The following XKR6 variants were observed in gnomAD, a reference collection of about 807,000 sequenced individuals.
XKR6 encodes XK-related protein 6.
In XKR6, 22 loss-of-function variants were observed where a neutral mutation model predicts 56.7. The ratio of observed to expected loss-of-function variants is 0.39; its 90% CI spans 0.28 to 0.55. The LOEUF (loss-of-function observed/expected upper bound fraction) is 0.55, where lower values mean the gene tolerates loss of function less well. Ranked by LOEUF, XKR6 falls within the 20% of genes least tolerant of loss-of-function variation. XKR6 has a pLI of 0.66. For synonymous variants in XKR6, 524 were observed against 387.8 expected (o/e 1.35, Z -4.13); for missense variants, 852 against 889.0 (o/e 0.96, Z 0.53).
At chr8:11,013,773 C>T (rs1041875748) in intron 1 of XKR6, among the ~76,000 whole-genome samples, 1 of 152,184 alleles carries the variant, frequency 6.6e-6, no homozygotes, top group African/African-American at 2.4e-5. Context: ...ATGAATTAAA[C>T]AAAAGTCAAA....
At chr8:11,143,686 G>A (rs561954052) in intron 1 of XKR6, among the ~76,000 whole-genome samples, 2 of 152,300 alleles carry the variant, frequency 1.3e-5, no homozygotes, top group Admixed American at 6.5e-5. Context: ...AGGAAGGGAA[G>A]GGATTGTGAT....
intron 1 of XKR6, among the ~76,000 whole-genome samples, chr8:11,019,622 G>C (rs1018908929): frequency 6.6e-6 from 1 of 152,224 alleles, no homozygotes; most frequent in Non-Finnish European, 1.5e-5. Context: ...TTTCCACCTA[G>C]AGGTGGTGTG....
In XKR6 at chr8:10,898,721, A is replaced by T. The variant is rs1392396324; in HGVS notation, c.1157T>A (p.Phe386Tyr). ...ALFASIFQLYFGIFVVVHWCA... is the reference protein window; with the variant it reads ...ALFASIFQLYYGIFVVVHWCA... ...CCAGTGAACCACCACGAAGATCCCA[A>T]AATAGAGCTGGAAGATGGAAGCAAA... The change falls in exon 3 of 3, where the codon TTT (phenylalanine) becomes TAT (tyrosine). Residue 386 changes from phenylalanine to tyrosine, a missense_variant. Physicochemically the swap from Phe to Tyr is conservative, Grantham distance 22 (BLOSUM62 3). Transcript: ENST00000416569. This position sits in a 1 kb window ranked among gnomAD's most constrained non-coding sequence, Gnocchi z 6.6. The T allele has an allele frequency of 6.2e-7, 1 of 1,613,978 alleles. No homozygotes were observed. Among genetic ancestry groups the T allele is most frequent in the Non-Finnish European group, 8.5e-7 (1 of 1,180,006 alleles).
At chr8:11,176,676 T>C (rs2117068526) in intron 1 of XKR6, among the ~76,000 whole-genome samples, 1 of 152,224 alleles carries the variant, frequency 6.6e-6, no homozygotes, top group East Asian at 1.9e-4. Flanking sequence ...ACTCTGGGTG[T>C]CATGGTGCCA....
At chr8:11,184,334 A>G (rs1803152589) in intron 1 of XKR6, among the ~76,000 whole-genome samples, 1 of 151,822 alleles carries the variant, frequency 6.6e-6, no homozygotes, top group South Asian at 2.1e-4. Context: ...GGAGCTTTTA[A>G]ATTATTAAAT....
At chr8:10,925,342 G>C (rs1325033466) in intron 1 of XKR6, among the ~76,000 whole-genome samples, 1 of 152,184 alleles carries the variant, frequency 6.6e-6, no homozygotes, top group Non-Finnish European at 1.5e-5. Flanking sequence ...GGAGGGTATG[G>C]TTCTCACATG....
chr8:10,946,462 C>T (rs1037551201), intron 1 of XKR6, among the ~76,000 whole-genome samples: 12 of 151,896 alleles, frequency 7.9e-5, no homozygotes, highest in African/African-American at 2.9e-4. Context: ...CCTTTTTCGG[C>T]CCATAGTGGG....
At chr8:11,108,567 G>C (rs1042411285) in intron 1 of XKR6, 1 of 345,418 alleles carries the variant, frequency 2.9e-6, no homozygotes, top group African/African-American at 2.2e-5. Flanking sequence ...TTAGTGCCTT[G>C]GACTCTATTT....
At chr8:11,059,834 G>C (rs1188506501) in intron 1 of XKR6, among the ~76,000 whole-genome samples, 1 of 152,124 alleles carries the variant, frequency 6.6e-6, no homozygotes, top group Non-Finnish European at 1.5e-5. Flanking sequence ...CAGGATCCAG[G>C]AGTGTTCAGG....
chr8:11,004,938 T>A (rs769248310), intron 1 of XKR6, among the ~76,000 whole-genome samples: 1 of 152,114 alleles, frequency 6.6e-6, no homozygotes, highest in Non-Finnish European at 1.5e-5. Context: ...GCCAATCACA[T>A]AAAGACAGAA....
chr8:11,041,694 AGAG>A (rs1021759003), intron 1 of XKR6, among the ~76,000 whole-genome samples: 1 of 152,176 alleles, frequency 6.6e-6, no homozygotes, highest in Non-Finnish European at 1.5e-5. Context: ...TAGAGGGAGA[AGAG>A]GAGAGGGGCC....
chr8:10,928,212 C>T (rs1389871494), intron 1 of XKR6, among the ~76,000 whole-genome samples: 3 of 152,192 alleles, frequency 2.0e-5, no homozygotes, highest in African/African-American at 4.8e-5. Context: ...CCGGACGGGA[C>T]CAGAATCCAG....
intron 1 of XKR6, among the ~76,000 whole-genome samples, chr8:10,989,155 G>C (rs1174492770): frequency 1.3e-5 from 2 of 152,220 alleles, no homozygotes; most frequent in Non-Finnish European, 2.9e-5. Flanking sequence ...AAGGAGCTGG[G>C]TGATGCCTCA....
intron 1 of XKR6, among the ~76,000 whole-genome samples, chr8:10,976,081 CAGG>C (rs889724260): frequency 4.6e-5 from 7 of 151,976 alleles, no homozygotes; most frequent in Admixed American, 3.9e-4. Flanking sequence ...GAGGCTGAGG[CAGG>C]AGAATGGCAT....
chr8:10,904,512 C>T (rs1800130889), intron 2 of XKR6, among the ~76,000 whole-genome samples: 1 of 152,050 alleles, frequency 6.6e-6, no homozygotes, highest in Non-Finnish European at 1.5e-5. Context: ...ATATGGGTGC[C>T]CTACTGAATG....
intron 1 of XKR6, among the ~76,000 whole-genome samples, chr8:11,194,073 A>T (rs998997442): frequency 1.6e-4 from 24 of 152,218 alleles, no homozygotes; most frequent in African/African-American, 5.1e-4. Flanking sequence ...CCATGGCAGG[A>T]CTTAGAACTC....
chr8:10,996,996 C>G (rs1798128322), intron 1 of XKR6, among the ~76,000 whole-genome samples: 1 of 152,098 alleles, frequency 6.6e-6, no homozygotes, highest in African/African-American at 2.4e-5. Flanking sequence ...AAAATAACAA[C>G]AAATGTCTGC....
Position 10,995,279 on chromosome 8 carries a change from C to A in XKR6, c.765-70449G>T, listed in dbSNP as rs192000711. 2.8e-3 allele frequency among the ~76,000 whole-genome samples: 420 copies of A among 151,610 alleles called. 2 individuals are homozygous for A. The highest frequency in any genetic ancestry group is 4.4e-3 in the Non-Finnish European group (300 of 67,932). On this transcript the variant is annotated intron_variant, in intron 1 of 2. Coordinates refer to ENST00000416569, the MANE Select transcript of XKR6 (RefSeq NM_173683.4). ...CCTATAATCCCAGTGCTTTAGGAGACTGAAGCAGGTGGATCACTTGAACCC... is the reference window on the plus strand; with the variant it reads ...CCTATAATCCCAGTGCTTTAGGAGAATGAAGCAGGTGGATCACTTGAACCC...
chr8:10,985,777 G>C (rs1471697455), intron 1 of XKR6, among the ~76,000 whole-genome samples: 7 of 152,060 alleles, frequency 4.6e-5, no homozygotes, highest in Non-Finnish European at 8.8e-5. Context: ...TTAGAAGCAT[G>C]AGAACAGACT....
Sources: allele counts gnomAD v4.1 joint callset (sites outside exome capture counted in the v4.1 genomes callset), GRCh38; gene constraint gnomAD v4.1.1; non-coding constraint Gnocchi (gnomAD v3.1); transcripts MANE v1.5; gene names NCBI Gene and HGNC (gene_info 2026-07-23, HGNC 2026-07-21).